Variants in XIRP2 observed in about 807,000 individuals in gnomAD.
The protein encoded by XIRP2 is xin actin-binding repeat-containing protein 2.
In XIRP2, 236 loss-of-function variants were observed where a neutral mutation model predicts 277.0. The observed-to-expected ratio is 0.85, with a 90% CI of 0.77 to 0.95. The LOEUF is 0.95. XIRP2 is among the 40% of genes least tolerant of loss of function. The pLI is 0.00. For missense variants in XIRP2, 4,640 were observed against 4,157.5 expected, an observed-to-expected ratio of 1.12 and a Z score of -3.19; for synonymous variants, 1,490 against 1,416.5, an observed-to-expected ratio of 1.05 and a Z score of -1.17.
At position 167,243,881 on chromosome 2, in the gene XIRP2, A is replaced by G. The variant is rs779761167; in HGVS notation, c.2489A>G (p.Lys830Arg). 2 of 1,613,960 alleles carry G rather than the reference A, an allele frequency of 1.2e-6. No homozygotes were observed. Among genetic ancestry groups the G allele is most frequent in the Admixed American group, 1.7e-5 (1 of 60,010 alleles). Residue 830 changes from lysine (K) to arginine (R), a missense_variant, in exon 9 of 11, where the codon AAG (lysine) becomes AGG (arginine). Transcript: ENST00000409195. ...IKESEEVIIE[K>R]EKIIGTDVSR... ...GAGTCAGAAGAGGTCATCATTGAAA[A>G]GGAAAAAATAATAGGTACAGATGTC...
chr2:167,081,897 G>C (rs1476861609), intron 2 of XIRP2, among the ~76,000 whole-genome samples: 1 of 151,878 alleles, frequency 6.6e-6, no homozygotes, highest in Non-Finnish European at 1.5e-5. Context: ...AGCATAGAAG[G>C]CTAGAAGTAG....
intron 3 of XIRP2, among the ~76,000 whole-genome samples, chr2:167,190,395 T>A (rs1693294334): frequency 6.6e-6 from 1 of 152,116 alleles, no homozygotes; most frequent in African/African-American, 2.4e-5. Flanking sequence ...CCCCCACTCC[T>A]GACTGCCAAG....
rs796301635 is a variant in XIRP2, at chr2:166,889,720, T to G, written c.-19+1163T>G. 2.6e-5 allele frequency: 4 copies of G among 152,940 alleles called. No homozygotes were observed. In the East Asian group the frequency reaches 5.8e-4, roughly 22 times the overall value. The allele number at this position is 152,940 out of a possible 1,614,324, so 9.5% of individuals were successfully genotyped here. A position where few individuals can be genotyped will look rare whatever the true frequency, so the allele number is the denominator to read the frequency against. On this transcript the variant is annotated intron_variant, in intron 1 of 10. Transcript: ENST00000409195. The stretch of plus-strand genomic sequence containing the variant: ...GATCCACTTGTTTGACCTTTCTGGT[T>G]GTCTATCCTACCTGCTTGGGGTTCT...
intron 2 of XIRP2, among the ~76,000 whole-genome samples, chr2:167,089,625 T>G (rs199741245): frequency 1.3e-5 from 2 of 152,046 alleles, no homozygotes; most frequent in Non-Finnish European, 2.9e-5. Context: ...TAAATGTGTG[T>G]GGGGGGGTGT....
intron 2 of XIRP2, among the ~76,000 whole-genome samples, chr2:167,093,062 T>C (rs964008466): frequency 8.5e-5 from 13 of 152,258 alleles, no homozygotes; most frequent in African/African-American, 3.1e-4. Context: ...TCTTACTGTC[T>C]ACTATGCCAA....
chr2:167,161,665 T>TCC (rs889735641), intron 3 of XIRP2, among the ~76,000 whole-genome samples: 23 of 152,166 alleles, frequency 1.5e-4, no homozygotes, highest in African/African-American at 5.6e-4. Context: ...CACTTTTTCC[T>TCC]CCTGCACCTC....
At chr2:166,955,073 T>G (rs1686127604) in intron 2 of XIRP2, among the ~76,000 whole-genome samples, 1 of 151,836 alleles carries the variant, frequency 6.6e-6, no homozygotes. Flanking sequence ...ACTTATAAAA[T>G]AAAATAATTG....
intron 3 of XIRP2, among the ~76,000 whole-genome samples, chr2:167,173,541 T>C (rs192908724): frequency 6.6e-6 from 1 of 152,180 alleles, no homozygotes; most frequent in Admixed American, 6.5e-5. Flanking sequence ...TTGATGGACA[T>C]TTAGGTTGCT....
chr2:167,147,554 A>C (rs1293576249), intron 3 of XIRP2, among the ~76,000 whole-genome samples: 1 of 152,200 alleles, frequency 6.6e-6, no homozygotes, highest in Non-Finnish European at 1.5e-5. Flanking sequence ...AACAACCTCC[A>C]GCAAAAGTTG....
chr2:167,158,726 A>G (rs1020599192), intron 3 of XIRP2, among the ~76,000 whole-genome samples: 1 of 152,250 alleles, frequency 6.6e-6, no homozygotes, highest in African/African-American at 2.4e-5. Flanking sequence ...AATTTCAAAT[A>G]CATACATATG....
intron 2 of XIRP2, among the ~76,000 whole-genome samples, chr2:166,969,471 T>C (rs1255958590): frequency 1.3e-5 from 2 of 151,998 alleles, no homozygotes; most frequent in Non-Finnish European, 2.9e-5. Flanking sequence ...GATAATCTAT[T>C]AAAATAATTC....
rs570415315 is a variant in XIRP2 at position 167,176,138 on chromosome 2, G to A, written c.563-34597G>A. Among the ~76,000 whole-genome samples, 46 of 152,278 alleles carry A rather than the reference G, an allele frequency of 3.0e-4. 1 individual carries two copies. The highest frequency in any genetic ancestry group is 3.4e-3 in the Middle Eastern group (1 of 294). ...CCAGGGGAGTGAACGGTTCTGTCTC[G>A]TTGGCATTCCAGGTGCCAACTGGAG... On this transcript the variant is annotated intron_variant, in intron 3 of 10. Coordinates refer to ENST00000409195, the MANE Select transcript of XIRP2 (RefSeq NM_152381.6).
chr2:167,044,962 A>G (rs1688752602), intron 2 of XIRP2, among the ~76,000 whole-genome samples: 1 of 152,136 alleles, frequency 6.6e-6, no homozygotes, highest in Non-Finnish European at 1.5e-5. Context: ...AAGAAAAAAA[A>G]AAGCCAGAGG....
chr2:167,120,196 A>G (rs1558986845), intron 2 of XIRP2, among the ~76,000 whole-genome samples: 2 of 152,102 alleles, frequency 1.3e-5, no homozygotes, highest in South Asian at 4.1e-4. Context: ...CCCTTTCTGC[A>G]CTTCTTTACT....
At chr2:167,021,632 TG>T (rs2093814020) in intron 2 of XIRP2, among the ~76,000 whole-genome samples, 2 of 151,930 alleles carry the variant, frequency 1.3e-5, no homozygotes, top group African/African-American at 2.4e-5. Flanking sequence ...GAGGATGATT[TG>T]AGCCCAGGAG....
Position 167,251,269 on chromosome 2 carries a change from G to A in XIRP2, c.9877G>A (p.Val3293Ile), listed in dbSNP as rs775677946. The change falls in exon 9 of 11, where the codon GTT (valine) becomes ATT (isoleucine). Residue 3293 changes from valine to isoleucine, a missense_variant. Physicochemically the swap from Val to Ile is conservative, Grantham distance 29 (BLOSUM62 3). Coordinates refer to ENST00000409195, the MANE Select transcript of XIRP2 (RefSeq NM_152381.6). The part of the protein sequence containing the change: ...MVPDTESYDA[V>I]EIIRKVAVPP... The stretch of plus-strand genomic sequence containing the variant: ...GCCCGACACTGAAAGTTATGATGCA[G>A]TTGAAATCATCCGCAAGGTTGCAGT... The A allele has an allele frequency of 3.1e-6, 5 of 1,613,578 alleles. No individual in the cohort carries two copies. The highest frequency in any genetic ancestry group is 1.7e-4 in the Middle Eastern group (1 of 6,056).
intron 2 of XIRP2, among the ~76,000 whole-genome samples, chr2:166,999,501 C>T (rs1359170141): frequency 6.6e-6 from 1 of 152,066 alleles, no homozygotes; most frequent in African/African-American, 2.4e-5. Context: ...AAACCATTGG[C>T]AATGTACATG....
chr2:167,227,092 A>G (rs1052445447), intron 5 of XIRP2, among the ~76,000 whole-genome samples: 1 of 152,160 alleles, frequency 6.6e-6, no homozygotes, highest in Non-Finnish European at 1.5e-5. Context: ...AGGATTTGCT[A>G]TCCCAGGGTT....
chr2:167,132,719 A>G (rs894628935), intron 2 of XIRP2, among the ~76,000 whole-genome samples: 2 of 152,076 alleles, frequency 1.3e-5, no homozygotes, highest in Non-Finnish European at 2.9e-5. Context: ...CCAGTCCAGG[A>G]CATTTGCACA....
Sources: allele counts gnomAD v4.1 joint callset (sites outside exome capture counted in the v4.1 genomes callset), GRCh38; gene constraint gnomAD v4.1.1; transcripts MANE v1.5; gene names NCBI Gene and HGNC (gene_info 2026-07-23, HGNC 2026-07-21).